The following TSPAN5 variants were observed in gnomAD, a reference collection of about 807,000 sequenced individuals.
The protein encoded by TSPAN5 is tetraspanin 5, also known as tetraspanin-5.
Under a neutral mutation model 37.1 loss-of-function variants are expected in TSPAN5, and 10 were observed. That is an observed-to-expected ratio of 0.27 (90% CI 0.17 to 0.46). The LOEUF is 0.46. Among genes scored for constraint, TSPAN5 ranks in the 20% least tolerant of loss-of-function variants. TSPAN5 has a pLI of 1.00. For missense variants in TSPAN5, 195 were observed against 326.6 expected (o/e 0.60, Z 3.11); for synonymous variants, 110 against 118.9 (o/e 0.93, Z 0.48).
chr4:98,475,036 C>T (rs189502133), intron 7 of TSPAN5, among the ~76,000 whole-genome samples: 13 of 152,288 alleles, frequency 8.5e-5, no homozygotes, highest in Admixed American at 8.5e-4. Context: ...GCTAATCTTA[C>T]TCAAGTACAC....
chr4:98,649,387 A>T (rs1230239477), intron 1 of TSPAN5, among the ~76,000 whole-genome samples: 1 of 152,176 alleles, frequency 6.6e-6, no homozygotes, highest in Non-Finnish European at 1.5e-5. Context: ...AACTAAATCT[A>T]AATTCAAATA....
chr4:98,627,647 C>T (rs1369450212), intron 1 of TSPAN5, among the ~76,000 whole-genome samples: 1 of 152,132 alleles, frequency 6.6e-6, no homozygotes, highest in Non-Finnish European at 1.5e-5. Flanking sequence ...AAATAAACCC[C>T]CTGGATTTCA....
chr4:98,533,505 C>G (rs1233890916), intron 1 of TSPAN5, among the ~76,000 whole-genome samples: 1 of 125,914 alleles, frequency 7.9e-6, no homozygotes, highest in Non-Finnish European at 1.6e-5. Flanking sequence ...TGATGGTAGT[C>G]TGTACTTCTG....
chr4:98,613,606 C>T (rs905856040), intron 1 of TSPAN5, among the ~76,000 whole-genome samples: 1 of 152,138 alleles, frequency 6.6e-6, no homozygotes, highest in African/African-American at 2.4e-5. Flanking sequence ...AGACTGCTTA[C>T]TTCAATGACT....
chr4:98,572,799 C>T (rs925288540), intron 1 of TSPAN5, among the ~76,000 whole-genome samples: 2 of 152,164 alleles, frequency 1.3e-5, no homozygotes, highest in African/African-American at 4.8e-5. Flanking sequence ...AATACATTTC[C>T]CTCACGTAGC....
chr4:98,548,484 G>A (rs996030745), intron 1 of TSPAN5, among the ~76,000 whole-genome samples: 12 of 152,050 alleles, frequency 7.9e-5, no homozygotes, highest in African/African-American at 2.9e-4. Context: ...AAATTACATG[G>A]TACCAGCTAA....
intron 1 of TSPAN5, among the ~76,000 whole-genome samples, chr4:98,532,200 T>C (rs914902728): frequency 6.6e-6 from 1 of 152,256 alleles, no homozygotes; most frequent in African/African-American, 2.4e-5. Flanking sequence ...ATATGAAGTT[T>C]AAAGTAGTTT....
intron 1 of TSPAN5, among the ~76,000 whole-genome samples, chr4:98,568,134 C>T (rs1002042507): frequency 1.3e-5 from 2 of 152,106 alleles, no homozygotes; most frequent in Non-Finnish European, 2.9e-5. Flanking sequence ...CACAACAATC[C>T]TATGAGATAG....
At chr4:98,530,730 T>C (rs140707968) in intron 1 of TSPAN5, among the ~76,000 whole-genome samples, 7 of 150,254 alleles carry the variant, frequency 4.7e-5, no homozygotes, top group African/African-American at 9.8e-5. Context: ...ACACATATTA[T>C]ACACACACAC....
rs185912248 is a variant in TSPAN5 at position 98,507,747 on chromosome 4, A to G, written c.82-19T>C. The G allele has an allele frequency of 3.8e-6, 6 of 1,595,542 alleles. No individual in the cohort carries two copies. In the African/African-American group the frequency reaches 6.7e-5, roughly 18 times the overall value. ...CCAAAAACTGAAAAAGAAAGAAAGCAGTGTAAATATAAGGGAAAATGCCGC... is the reference window on the plus strand; with the variant it reads ...CCAAAAACTGAAAAAGAAAGAAAGCGGTGTAAATATAAGGGAAAATGCCGC... On this transcript the variant is annotated intron_variant, in intron 1 of 7. Transcript: ENST00000305798.
intron 1 of TSPAN5, among the ~76,000 whole-genome samples, chr4:98,508,135 G>A (rs956457715): frequency 6.6e-6 from 1 of 152,142 alleles, no homozygotes; most frequent in African/African-American, 2.4e-5. Context: ...CTTCAGTATT[G>A]AGCCATTACA....
intron 1 of TSPAN5, among the ~76,000 whole-genome samples, chr4:98,549,309 TTTG>T (rs201203277): frequency 0.18 from 4,943 of 28,208 alleles, 311 homozygotes; most frequent in African/African-American, 0.38. Context: ...TTTGTTTTTT[TTTG>T]TTTTTTTTGA....
intron 1 of TSPAN5, among the ~76,000 whole-genome samples, chr4:98,539,884 C>T (rs1192927004): frequency 2.0e-5 from 3 of 152,162 alleles, no homozygotes; most frequent in Non-Finnish European, 4.4e-5. Flanking sequence ...CGTGTTCTCT[C>T]TCTCTCTCAT....
At chr4:98,570,659 T>C (rs908861965) in intron 1 of TSPAN5, among the ~76,000 whole-genome samples, 2 of 152,138 alleles carry the variant, frequency 1.3e-5, no homozygotes, top group East Asian at 1.9e-4. Flanking sequence ...AGAGCCAGGA[T>C]AGGTTAGGCA....
chr4:98,613,575 C>T (rs1443072179), intron 1 of TSPAN5, among the ~76,000 whole-genome samples: 1 of 152,194 alleles, frequency 6.6e-6, no homozygotes, highest in Non-Finnish European at 1.5e-5. Flanking sequence ...AATCCCTTCC[C>T]TTATAACACA....
chr4:98,571,018 A>AG (rs1239736183), intron 1 of TSPAN5, among the ~76,000 whole-genome samples: 1 of 152,064 alleles, frequency 6.6e-6, no homozygotes, highest in African/African-American at 2.4e-5. Flanking sequence ...TCTCAAAAAA[A>AG]AAAAGAAATC....
intron 7 of TSPAN5, among the ~76,000 whole-genome samples, chr4:98,475,167 G>T (rs928023809): frequency 1.3e-5 from 2 of 152,126 alleles, no homozygotes; most frequent in African/African-American, 2.4e-5. Context: ...TTTTCCATAT[G>T]AATTTTAGGA....
At chr4:98,600,195 C>T (rs2110219285) in intron 1 of TSPAN5, among the ~76,000 whole-genome samples, 2 of 152,256 alleles carry the variant, frequency 1.3e-5, no homozygotes, top group South Asian at 4.2e-4. Context: ...AAGCCTTTAG[C>T]ACATCGTAAT....
At chr4:98,571,850 C>T (rs1406995375) in intron 1 of TSPAN5, among the ~76,000 whole-genome samples, 1 of 152,150 alleles carries the variant, frequency 6.6e-6, no homozygotes, top group Non-Finnish European at 1.5e-5. Context: ...ATATGTACTA[C>T]CAGACATTGT....
Sources: gnomAD v4.1 joint callset for allele counts (sites outside exome capture counted in the v4.1 genomes callset) on GRCh38, gnomAD v4.1.1 for gene constraint, MANE v1.5 for transcripts, NCBI Gene and HGNC (gene_info 2026-07-23, HGNC 2026-07-21) for gene names.